CSNK1G3: variants seen among roughly 807,000 people sequenced by gnomAD.
CSNK1G3 encodes casein kinase I isoform gamma-3.
CSNK1G3 carries 23 observed loss-of-function variants against 64.3 expected under a neutral mutation model. The observed-to-expected ratio is 0.36, with a 90% CI of 0.26 to 0.51. The LOEUF is 0.51. CSNK1G3 is among the 20% of genes least tolerant of loss of function. CSNK1G3 has a pLI of 0.96. For synonymous variants in CSNK1G3, 158 were observed against 162.2 expected (o/e 0.97, Z 0.20); for missense variants, 357 against 510.5 (o/e 0.70, Z 2.90).
intron 1 of CSNK1G3, among the ~76,000 whole-genome samples, chr5:123,532,996 G>A (rs1440743223): frequency 1.3e-5 from 2 of 151,662 alleles, no homozygotes; most frequent in Non-Finnish European, 3.0e-5. Context: ...TCAAATTTTT[G>A]TATTATCTTT....
intron 1 of CSNK1G3, among the ~76,000 whole-genome samples, chr5:123,542,531 A>G (rs542993322): frequency 2.0e-5 from 3 of 152,274 alleles, no homozygotes; most frequent in Admixed American, 1.3e-4. Context: ...CTTGTTGTGC[A>G]GGTCTGCTGG....
At chr5:123,588,819 T>C (rs1362831511) in intron 8 of CSNK1G3, among the ~76,000 whole-genome samples, 2 of 152,122 alleles carry the variant, frequency 1.3e-5, no homozygotes, top group Non-Finnish European at 1.5e-5. Context: ...TTACAAAGTT[T>C]TGGTATTCAG....
chr5:123,582,136 A>G (rs910063618), intron 6 of CSNK1G3, among the ~76,000 whole-genome samples: 5 of 152,142 alleles, frequency 3.3e-5, no homozygotes, highest in Non-Finnish European at 5.9e-5. Context: ...TGAAAATTGA[A>G]TTGAAATTTC....
chr5:123,541,160 T>G (rs978200390), intron 1 of CSNK1G3, among the ~76,000 whole-genome samples: 3 of 152,220 alleles, frequency 2.0e-5, no homozygotes, highest in Non-Finnish European at 4.4e-5. Flanking sequence ...AATCATGCTA[T>G]TAAAAAATTT....
intron 4 of CSNK1G3, among the ~76,000 whole-genome samples, chr5:123,568,661 T>C (rs1787435686): frequency 6.6e-6 from 1 of 152,184 alleles, no homozygotes; most frequent in African/African-American, 2.4e-5. Flanking sequence ...ATTGTCAGCC[T>C]CTGATGGCCA....
At chr5:123,567,917 G>C (rs1403322478) in intron 4 of CSNK1G3, among the ~76,000 whole-genome samples, 1 of 152,192 alleles carries the variant, frequency 6.6e-6, no homozygotes, top group South Asian at 2.1e-4. Flanking sequence ...ATAAAAATTA[G>C]TGCTTCGGGA....
At chr5:123,584,090 A>G (rs1257435450) in intron 6 of CSNK1G3, among the ~76,000 whole-genome samples, 1 of 152,190 alleles carries the variant, frequency 6.6e-6, no homozygotes, top group Non-Finnish European at 1.5e-5. Context: ...GGATTTTTCT[A>G]CATATACAAT....
At chr5:123,557,845 A>G (rs1053910297) in intron 4 of CSNK1G3, among the ~76,000 whole-genome samples, 5 of 152,180 alleles carry the variant, frequency 3.3e-5, no homozygotes, top group Non-Finnish European at 1.5e-5. Context: ...TGGAGGCACT[A>G]TTATAGCTGT....
At chr5:123,584,414 A>G (rs2150891295) in intron 6 of CSNK1G3, among the ~76,000 whole-genome samples, 1 of 152,332 alleles carries the variant, frequency 6.6e-6, no homozygotes. Flanking sequence ...CTGAGATGAC[A>G]ATATGATTTA....
intron 1 of CSNK1G3, among the ~76,000 whole-genome samples, chr5:123,531,110 A>G (rs1241293020): frequency 1.3e-5 from 2 of 152,122 alleles, no homozygotes; most frequent in Non-Finnish European, 2.9e-5. Context: ...GGAGGTTTTC[A>G]TTTGAGATAA....
chr5:123,552,889 T>C (rs1286840271), intron 2 of CSNK1G3: 1 of 309,604 alleles, frequency 3.2e-6, no homozygotes, highest in Non-Finnish European at 6.1e-6. Context: ...GTATCTGTAG[T>C]GTCTGTATCA....
chr5:123,589,498 T>A (rs1349383896), intron 8 of CSNK1G3, among the ~76,000 whole-genome samples: 1 of 151,742 alleles, frequency 6.6e-6, no homozygotes, highest in Non-Finnish European at 1.5e-5. Flanking sequence ...AGTGGGAGAG[T>A]CACCACCTAA....
At chr5:123,610,533 A>G (rs981978117) in intron 12 of CSNK1G3, among the ~76,000 whole-genome samples, 1 of 152,170 alleles carries the variant, frequency 6.6e-6, no homozygotes, top group South Asian at 2.1e-4. Context: ...ATGAAGAAAA[A>G]GGCAATGAAC....
intron 4 of CSNK1G3, among the ~76,000 whole-genome samples, chr5:123,573,120 A>G (rs1187695067): frequency 6.6e-6 from 1 of 152,194 alleles, no homozygotes; most frequent in Non-Finnish European, 1.5e-5. Context: ...GCTTTTGTCC[A>G]GTAATAAGGT....
At chr5:123,519,759 A>G (rs1413676004) in intron 1 of CSNK1G3, among the ~76,000 whole-genome samples, 1 of 152,200 alleles carries the variant, frequency 6.6e-6, no homozygotes, top group East Asian at 1.9e-4. Context: ...GAAGGACCAT[A>G]GGATTTTAGA....
At chr5:123,556,661 C>CT (rs1784676462) in intron 3 of CSNK1G3, among the ~76,000 whole-genome samples, 1 of 151,582 alleles carries the variant, frequency 6.6e-6, no homozygotes, top group Non-Finnish European at 1.5e-5. Context: ...TCTGTTGGTT[C>CT]TTTTTAAAAT....
intron 6 of CSNK1G3, among the ~76,000 whole-genome samples, chr5:123,580,593 T>C (rs1468526251): frequency 6.6e-6 from 1 of 151,900 alleles, no homozygotes; most frequent in African/African-American, 2.4e-5. Context: ...GCATGAAAAC[T>C]TTCTTTAGTG....
chr5:123,562,103 A>G (rs1018230007), intron 4 of CSNK1G3, among the ~76,000 whole-genome samples: 3 of 152,022 alleles, frequency 2.0e-5, no homozygotes, highest in Non-Finnish European at 2.9e-5. Flanking sequence ...TACACTTACT[A>G]TTCCTTGAGT....
intron 1 of CSNK1G3, among the ~76,000 whole-genome samples, chr5:123,516,469 A>G (rs560395211): frequency 6.6e-6 from 1 of 152,296 alleles, no homozygotes; most frequent in Admixed American, 6.5e-5. Context: ...GCTGAGATTT[A>G]GCAACTATAA....
Sources: allele counts gnomAD v4.1 joint callset (sites outside exome capture counted in the v4.1 genomes callset), GRCh38; gene constraint gnomAD v4.1.1; transcripts MANE v1.5; gene names NCBI Gene and HGNC (gene_info 2026-07-23, HGNC 2026-07-21).